CDH4: variants seen among roughly 807,000 people sequenced by gnomAD.
CDH4 encodes cadherin 4.
Under a neutral mutation model 86.0 loss-of-function variants are expected in CDH4, and 33 were observed. The ratio of observed to expected loss-of-function variants is 0.38; its 90% CI spans 0.29 to 0.51. The LOEUF (loss-of-function observed/expected upper bound fraction) is 0.51. Ranked by LOEUF, CDH4 falls within the 20% of genes least tolerant of loss-of-function variation. The pLI is 0.86. For missense variants in CDH4, 1,114 were observed against 1,307.4 expected (o/e 0.85, Z 2.28); for synonymous variants, 555 against 549.4 (o/e 1.01, Z -0.14).
chr20:61,927,942 G>A (rs1330454861), intron 11 of CDH4, among the ~76,000 whole-genome samples: 5 of 152,230 alleles, frequency 3.3e-5, no homozygotes, highest in African/African-American at 1.2e-4. Flanking sequence ...GTCTGTTGAG[G>A]TGCCGTACGC....
chr20:61,880,006 CCGAA>C (rs1487585376), intron 7 of CDH4, among the ~76,000 whole-genome samples: 1 of 152,178 alleles, frequency 6.6e-6, no homozygotes, highest in East Asian at 1.9e-4. Flanking sequence ...CCACACCTCC[CCGAA>C]CGTCTTCAAG....
intron 8 of CDH4, among the ~76,000 whole-genome samples, chr20:61,896,712 TC>T (rs1406932832): frequency 6.6e-6 from 1 of 152,206 alleles, no homozygotes; most frequent in Non-Finnish European, 1.5e-5. Context: ...TTTGCTCTCT[TC>T]CGGCCAGTGA....
chr20:61,845,540 A>G (rs570712178), intron 5 of CDH4, among the ~76,000 whole-genome samples: 2 of 152,356 alleles, frequency 1.3e-5, no homozygotes, highest in African/African-American at 4.8e-5. Flanking sequence ...CATCACGTGT[A>G]GGTGAAGGCC....
intron 7 of CDH4, among the ~76,000 whole-genome samples, chr20:61,889,706 AGATGATGGATGGATGGACAGACAGATG>A (rs1568869151): frequency 4.2e-5 from 6 of 143,088 alleles, no homozygotes; most frequent in East Asian, 2.2e-4. Context: ...ATGGATGGAT[AGATGATGGATGGATGGACAGACAGATG>A]GATGATGGAT....
At chr20:61,509,195 A>C (rs1044551843) in intron 2 of CDH4, among the ~76,000 whole-genome samples, 2 of 152,070 alleles carry the variant, frequency 1.3e-5, no homozygotes, top group Non-Finnish European at 1.5e-5. Flanking sequence ...ACGGCAGAGG[A>C]CTTGGGGCAT....
rs181096119 is a variant in CDH4 at position 61,869,995 on chromosome 20, G to A, written c.878-3733G>A. On this transcript the variant is annotated intron_variant, in intron 6 of 15. Coordinates refer to ENST00000614565, the MANE Select transcript of CDH4 (RefSeq NM_001794.5). ...CCTCTGTGGTGGGAGGCTCCCAGCC[G>A]TTCTGCTAATGTGATTTCTCAGTGA... Among the ~76,000 whole-genome samples, 265 of 152,336 alleles carry A rather than the reference G, an allele frequency of 1.7e-3. 1 individual carries two copies. The highest frequency in any genetic ancestry group is 5.9e-3 in the African/African-American group (246 of 41,574).
intron 3 of CDH4, among the ~76,000 whole-genome samples, chr20:61,753,650 C>T (rs1295833620): frequency 1.3e-5 from 2 of 152,244 alleles, no homozygotes; most frequent in Non-Finnish European, 2.9e-5. Context: ...CTAGCTGCTG[C>T]AGCACTGAAA....
intron 8 of CDH4, among the ~76,000 whole-genome samples, chr20:61,898,423 G>A (rs977880277): frequency 5.3e-5 from 8 of 152,240 alleles, no homozygotes; most frequent in Admixed American, 3.9e-4. Flanking sequence ...TGAGCATGGG[G>A]TCTGCTGCGC....
chr20:61,519,217 A>G (rs757097053), intron 2 of CDH4, among the ~76,000 whole-genome samples: 1 of 152,246 alleles, frequency 6.6e-6, no homozygotes, highest in Non-Finnish European at 1.5e-5. Context: ...TGGGACCTTC[A>G]TAGGATGATG....
rs776466777 is a variant in CDH4, at chr20:61,838,455, G to T, written c.577-6213G>T. Among the ~76,000 whole-genome samples the T allele has an allele frequency of 1.0e-3, 153 of 152,268 alleles. 2 individuals carry two copies. Among genetic ancestry groups the T allele is most frequent in the Non-Finnish European group, 1.7e-3 (117 of 68,010 alleles). On this transcript the variant is annotated intron_variant, in intron 4 of 15. Transcript: ENST00000614565. ...GGTTGGGGCCACGGAGAAGCTGCAGGTGCAAATGGGCAAGTTGCCTTCTTC... is the reference window on the plus strand; with the variant it reads ...GGTTGGGGCCACGGAGAAGCTGCAGTTGCAAATGGGCAAGTTGCCTTCTTC...
At chr20:61,557,499 C>G (rs1196426811) in intron 2 of CDH4, among the ~76,000 whole-genome samples, 1 of 152,314 alleles carries the variant, frequency 6.6e-6, no homozygotes, top group East Asian at 1.9e-4. Context: ...AATTTTATGC[C>G]CTCCAGGACC....
rs1222225304 is a variant in CDH4 at position 61,576,766 on chromosome 20, C to T, written c.170-166797C>T. On this transcript the variant is annotated intron_variant, in intron 2 of 15. Transcript: ENST00000614565. Reference sequence around the variant, plus strand: ...ATGCTGGGTGCTCAGAAATGTCAGGCGAATGAAGTAAGAGGGCCTGTATGA... The same window carrying T: ...ATGCTGGGTGCTCAGAAATGTCAGGTGAATGAAGTAAGAGGGCCTGTATGA... Among the ~76,000 whole-genome samples, 6 of 152,122 alleles carry T rather than the reference C, an allele frequency of 3.9e-5. No individual in the cohort carries two copies. In the South Asian group the frequency reaches 6.2e-4, roughly 16 times the overall value.
intron 2 of CDH4, among the ~76,000 whole-genome samples, chr20:61,272,236 T>G (rs2084187384): frequency 6.6e-6 from 1 of 152,162 alleles, no homozygotes; most frequent in Non-Finnish European, 1.5e-5. Context: ...ATCTCCGACT[T>G]GCACATAAAA....
intron 2 of CDH4, among the ~76,000 whole-genome samples, chr20:61,689,270 G>T (rs1477153114): frequency 7.5e-5 from 4 of 53,478 alleles, no homozygotes; most frequent in African/African-American, 2.2e-4. Flanking sequence ...GGCTGGGACA[G>T]TGGTTGGTGA....
chr20:61,423,833 C>G (rs2085193920), intron 2 of CDH4, among the ~76,000 whole-genome samples: 2 of 152,186 alleles, frequency 1.3e-5, no homozygotes, highest in African/African-American at 2.4e-5. Flanking sequence ...GGCCAAGCTT[C>G]TTCAGTGGCT....
At position 61,711,231 on chromosome 20, in the gene CDH4, AAGG is replaced by A. The variant is rs375337694; in HGVS notation, c.170-32327_170-32325del. On this transcript the variant is annotated intron_variant, in intron 2 of 15. Transcript: ENST00000614565. Reference sequence around the variant, plus strand: ...CACTTCTCCTTCCTGCCTTCTTGTGAAGGAGGATGTGTTTGCTTCCCCTTCGCC... The same window carrying A: ...CACTTCTCCTTCCTGCCTTCTTGTGAAGGATGTGTTTGCTTCCCCTTCGCC... Among the ~76,000 whole-genome samples, 74 of 152,242 alleles carry A rather than the reference AAGG, an allele frequency of 4.9e-4. No homozygotes were observed. In the South Asian group the frequency reaches 0.015, roughly 30 times the overall value.
At chr20:61,845,083 T>G (rs1982376552) in intron 5 of CDH4, among the ~76,000 whole-genome samples, 1 of 119,332 alleles carries the variant, frequency 8.4e-6, no homozygotes, top group Non-Finnish European at 2.1e-5. Context: ...AAGTCAGGCC[T>G]GGGCCCACAC....
At chr20:61,868,883 C>T (rs1000974331) in intron 6 of CDH4, among the ~76,000 whole-genome samples, 4 of 152,254 alleles carry the variant, frequency 2.6e-5, no homozygotes, top group African/African-American at 9.6e-5. Context: ...GCCGGGCACA[C>T]CTGGCCCCCA....
chr20:61,837,953 C>T (rs1457789618), intron 4 of CDH4, among the ~76,000 whole-genome samples: 1 of 152,086 alleles, frequency 6.6e-6, no homozygotes, highest in East Asian at 1.9e-4. Context: ...TATTTTCCCT[C>T]GTGCAGAGGC....
Sources: gnomAD v4.1 joint callset for allele counts (sites outside exome capture counted in the v4.1 genomes callset) on GRCh38, gnomAD v4.1.1 for gene constraint, MANE v1.5 for transcripts, NCBI Gene and HGNC (gene_info 2026-07-23, HGNC 2026-07-21) for gene names.